Variants in C1orf185 observed in about 807,000 individuals in gnomAD.
C1orf185 encodes the protein chromosome 1 open reading frame 185.
Under a neutral mutation model 16.1 loss-of-function variants are expected in C1orf185, and 13 were observed. The observed-to-expected ratio is 0.81, with a 90% CI of 0.53 to 1.28. The LOEUF is 1.28. Among genes scored for constraint, C1orf185 ranks in the 50% most tolerant of loss-of-function variants. The pLI, the probability that C1orf185 is intolerant of heterozygous loss-of-function variation, is 0.00. For missense variants in C1orf185, 220 were observed against 225.2 expected, an observed-to-expected ratio of 0.98 and a Z score of 0.15; for synonymous variants, 80 against 76.9, an observed-to-expected ratio of 1.04 and a Z score of -0.21.
In C1orf185 at chr1:51,127,086, T is replaced by A. The variant is rs180972628; in HGVS notation, c.258+8285T>A. 2.6e-5 allele frequency among the ~76,000 whole-genome samples: 4 copies of A among 152,326 alleles called. No homozygotes were observed. In the East Asian group the frequency reaches 5.8e-4, roughly 22 times the overall value. ...AAAAATATTTTATTGATACAATTTT[T>A]AAAATATTTTGAGATTAATTACCTA... On this transcript the variant is annotated intron_variant, in intron 3 of 4. Coordinates refer to ENST00000371759, the MANE Select transcript of C1orf185 (RefSeq NM_001136508.2).
Position 51,147,531 on chromosome 1 carries a change from A to G in C1orf185, c.360A>G (p.Ser120=). 2 of 1,551,296 alleles carry G rather than the reference A, an allele frequency of 1.3e-6. No individual in the cohort carries two copies. The highest frequency in any genetic ancestry group is 8.7e-7 in the Non-Finnish European group (1 of 1,146,842). Residue 120 remains serine (S), a synonymous_variant, in exon 5 of 5, where the codon TCA becomes TCG. Coordinates refer to ENST00000371759, the MANE Select transcript of C1orf185 (RefSeq NM_001136508.2). The part of the protein sequence containing the change: ...LATKNIICDP[S]ETSSTTNRSS... ...CAAAAAATATCATTTGTGATCCCTC[A>G]GAGACCAGCTCCACAACAAATCGCA...
chr1:51,148,308 A>T (rs928736551), downstream of C1orf185, among the ~76,000 whole-genome samples: 3 of 152,040 alleles, frequency 2.0e-5, no homozygotes, highest in Admixed American at 2.0e-4. Flanking sequence ...TTTTTAGTAG[A>T]GATGAGGTTT....
At chr1:51,132,584 T>C (rs1646293795) in intron 3 of C1orf185, among the ~76,000 whole-genome samples, 1 of 152,086 alleles carries the variant, frequency 6.6e-6, no homozygotes, top group African/African-American at 2.4e-5. Context: ...CTGAGAAATA[T>C]GGGATAATGT....
chr1:51,116,023 A>G (rs1646154924), intron 2 of C1orf185, among the ~76,000 whole-genome samples: 1 of 152,140 alleles, frequency 6.6e-6, no homozygotes, highest in South Asian at 2.1e-4. Flanking sequence ...GAAAGGGAGG[A>G]GCAATTTAGG....
chr1:51,115,601 A>G (rs1202070202), intron 2 of C1orf185, among the ~76,000 whole-genome samples: 1 of 152,216 alleles, frequency 6.6e-6, no homozygotes, highest in Non-Finnish European at 1.5e-5. Context: ...TCATATGATT[A>G]GCTTTATTAG....
At chr1:51,112,395 T>C (rs569536965) in intron 1 of C1orf185, 69 bp from the exon 2 acceptor site, 30 of 1,264,102 alleles carry the variant, frequency 2.4e-5, no homozygotes, top group South Asian at 1.8e-4. Context: ...ATTTGAAGTT[T>C]ATCATTCAGT....
chr1:51,135,035 G>A (rs1646313057), intron 3 of C1orf185, among the ~76,000 whole-genome samples: 1 of 152,132 alleles, frequency 6.6e-6, no homozygotes, highest in Non-Finnish European at 1.5e-5. Context: ...ACCTGGCAGA[G>A]ACACAAAACA....
At chr1:51,115,274 G>A (rs1287291769) in intron 2 of C1orf185, among the ~76,000 whole-genome samples, 1 of 152,074 alleles carries the variant, frequency 6.6e-6, no homozygotes, top group African/African-American at 2.4e-5. Context: ...GATGGCAGAG[G>A]TTGCAGTGAG....
At chr1:51,139,538 T>C (rs1316013635) in intron 3 of C1orf185, among the ~76,000 whole-genome samples, 1 of 152,262 alleles carries the variant, frequency 6.6e-6, no homozygotes, top group Admixed American at 6.5e-5. Context: ...AACTATTTGT[T>C]TTTTGAATGT....
At chr1:51,134,520 A>G (rs1329874238) in intron 3 of C1orf185, among the ~76,000 whole-genome samples, 1 of 6,340 alleles carries the variant, frequency 1.6e-4, no homozygotes, top group African/African-American at 2.1e-4. Context: ...TGAGACACAC[A>G]CAAAAAAAAA....
In C1orf185 at chr1:51,112,521, G is replaced by T; in HGVS notation, c.74G>T (p.Gly25Val). The change falls in exon 2 of 5, where the codon GGT becomes GTT. Residue 25 changes from glycine (G) to valine (V), a missense_variant. Coordinates refer to ENST00000371759, the MANE Select transcript of C1orf185 (RefSeq NM_001136508.2). ...GCTGGTGCTGTCACTTTGGGAATTGGTTTCTTTGCTTTGGCATCAGCTTTG... is the reference window on the plus strand; with the variant it reads ...GCTGGTGCTGTCACTTTGGGAATTGTTTTCTTTGCTTTGGCATCAGCTTTG... Reference protein sequence around the residue: ...LAAGAVTLGIGFFALASALWF... With the variant: ...LAAGAVTLGIVFFALASALWF... 6.4e-7 allele frequency: 1 copy of T among 1,550,738 alleles called. No individual in the cohort carries two copies. Among genetic ancestry groups the T allele is most frequent in the African/African-American group, 1.4e-5 (1 of 73,106 alleles).
intron 1 of C1orf185, among the ~76,000 whole-genome samples, chr1:51,104,754 A>G (rs559343404): frequency 6.6e-6 from 1 of 152,300 alleles, no homozygotes; most frequent in African/African-American, 2.4e-5. Context: ...CTTTAACTAC[A>G]CTATTTCTTA....
At chr1:51,128,983 C>T (rs2148022594) in intron 3 of C1orf185, among the ~76,000 whole-genome samples, 1 of 152,104 alleles carries the variant, frequency 6.6e-6, no homozygotes, top group East Asian at 2.0e-4. Context: ...CTTCCTGGTT[C>T]AAGTGATTCT....
intron 3 of C1orf185, among the ~76,000 whole-genome samples, chr1:51,126,707 A>G (rs1646242888): frequency 6.6e-6 from 1 of 152,240 alleles, no homozygotes; most frequent in Non-Finnish European, 1.5e-5. Flanking sequence ...TCCAGTGCTA[A>G]AATCTTAAGT....
intron 3 of C1orf185, among the ~76,000 whole-genome samples, chr1:51,122,172 G>A (rs1012826033): frequency 2.0e-5 from 3 of 152,134 alleles, no homozygotes; most frequent in Non-Finnish European, 4.4e-5. Context: ...TTTACATTAA[G>A]TTTGGAGTGG....
chr1:51,116,256 T>C (rs992858586), intron 2 of C1orf185, among the ~76,000 whole-genome samples: 2 of 151,942 alleles, frequency 1.3e-5, no homozygotes, highest in Non-Finnish European at 2.9e-5. Context: ...TCATTTAATC[T>C]TTTCTCCACA....
chr1:51,135,343 C>A (rs1646315623), intron 3 of C1orf185, among the ~76,000 whole-genome samples: 2 of 152,148 alleles, frequency 1.3e-5, no homozygotes, highest in African/African-American at 4.8e-5. Flanking sequence ...AGTTCAAGAC[C>A]AGCCTGACCA....
intron 3 of C1orf185, among the ~76,000 whole-genome samples, chr1:51,139,836 A>G (rs961708288): frequency 3.9e-5 from 6 of 152,172 alleles, no homozygotes; most frequent in Non-Finnish European, 7.4e-5. Context: ...CTCACATTAC[A>G]TATCATCTGT....
At chr1:51,128,439 C>A (rs935664704) in intron 3 of C1orf185, among the ~76,000 whole-genome samples, 1 of 141,290 alleles carries the variant, frequency 7.1e-6, no homozygotes, top group Non-Finnish European at 1.5e-5. Context: ...CTCCTGTAAT[C>A]CCCGCACTTT....
Sources: allele counts gnomAD v4.1 joint callset (sites outside exome capture counted in the v4.1 genomes callset), GRCh38; gene constraint gnomAD v4.1.1; transcripts MANE v1.5; gene names NCBI Gene and HGNC (gene_info 2026-07-23, HGNC 2026-07-21).